The following MAS1 variants were observed in gnomAD, a reference collection of about 807,000 sequenced individuals.
The protein encoded by MAS1 is proto-oncogene Mas.
For missense variants in MAS1, 387 were observed against 409.7 expected (o/e 0.94, Z 0.48); for synonymous variants, 163 against 164.2 (o/e 0.99, Z 0.05).
Position 159,906,949 on chromosome 6 carries a change from C to A in MAS1, c.-7C>A. 6.3e-7 allele frequency: 1 copy of A among 1,587,570 alleles called. No individual in the cohort carries two copies. The highest frequency in any genetic ancestry group is 1.3e-5 in the African/African-American group (1 of 74,550). On this transcript the variant is annotated 5_prime_UTR_variant, in exon 3 of 3. Transcript: ENST00000674077. ...TTACCTGAAGAGTTCCAACCTGAGG[C>A]CTCCTCATGGATGGGTCAAACGTGA...
intron 1 of MAS1, among the ~76,000 whole-genome samples, chr6:159,898,618 CTCCTCCTCCCTCTTCT>C (rs1782785240): frequency 7.3e-6 from 1 of 136,742 alleles, no homozygotes; most frequent in African/African-American, 2.7e-5. Context: ...CTCCTCCTTC[CTCCTCCTCCCTCTTCT>C]TCCTCCTCCC....
upstream of MAS1, among the ~76,000 whole-genome samples, chr6:159,889,193 T>C (rs901926521): frequency 1.3e-5 from 2 of 152,204 alleles, no homozygotes; most frequent in East Asian, 3.8e-4. Flanking sequence ...GGGACCATTA[T>C]CAATTTCCAA....
In MAS1 at chr6:159,915,761, G is replaced by A. The variant is rs1400599630; in HGVS notation, c.*7828G>A. 6.6e-6 allele frequency: 1 copy of A among 152,624 alleles called. No homozygotes were observed. The highest frequency in any genetic ancestry group is 1.5e-5 in the Non-Finnish European group (1 of 68,272). 9.5% of individuals were successfully genotyped at this position (152,624 alleles called of 1,614,324 possible). Reference sequence around the variant, plus strand: ...GGCCATCATCCAGAGGAGCATGGGAGAAAGTGGGGAATTTAGACAGGGAAA... The same window carrying A: ...GGCCATCATCCAGAGGAGCATGGGAAAAAGTGGGGAATTTAGACAGGGAAA... On this transcript the variant is annotated 3_prime_UTR_variant, in exon 3 of 3. Coordinates refer to ENST00000674077, the MANE Select transcript of MAS1 (RefSeq NM_002377.4).
chr6:159,900,170 C>T (rs985388655), intron 2 of MAS1, among the ~76,000 whole-genome samples: 1 of 152,198 alleles, frequency 6.6e-6, no homozygotes, highest in Non-Finnish European at 1.5e-5. Flanking sequence ...CAAGTGCCTA[C>T]CTCGTCTGCA....
intron 2 of MAS1, among the ~76,000 whole-genome samples, chr6:159,901,945 A>G (rs1172861909): frequency 6.6e-6 from 1 of 152,176 alleles, no homozygotes; most frequent in Non-Finnish European, 1.5e-5. Context: ...TTTTGGGGAA[A>G]AGAAGAAAAG....
intron 1 of MAS1, among the ~76,000 whole-genome samples, chr6:159,892,856 T>C (rs1782716584): frequency 6.6e-6 from 1 of 152,206 alleles, no homozygotes. Flanking sequence ...GGCAAAGTGC[T>C]GTTCAATCTC....
chr6:159,901,293 G>A (rs910734343), intron 2 of MAS1, among the ~76,000 whole-genome samples: 1 of 152,128 alleles, frequency 6.6e-6, no homozygotes, highest in South Asian at 2.1e-4. Context: ...ACACAATTCC[G>A]TCCACAACAG....
chr6:159,897,574 C>A (rs1244838428), intron 1 of MAS1, among the ~76,000 whole-genome samples: 1 of 152,118 alleles, frequency 6.6e-6, no homozygotes, highest in Non-Finnish European at 1.5e-5. Flanking sequence ...TGGGAAAGGG[C>A]TGTTATTGTC....
rs144013270 is a variant in MAS1, at chr6:159,907,917, T to C, written c.962T>C (p.Val321Ala). The change falls in exon 3 of 3, where the codon GTT becomes GCT. Residue 321 changes from valine (V) to alanine (A), a missense_variant. Physicochemically the swap from Val to Ala is moderately conservative, Grantham distance 64. Transcript: ENST00000674077. ...RQKDNCNTVT[V>A]ETVV ...AAAGACAATTGTAATACGGTCACAG[T>C]TGAGACTGTCGTCTAAGAACTGTGA... 1 of 1,598,930 alleles carries C rather than the reference T, an allele frequency of 6.3e-7. No homozygotes were observed. Among genetic ancestry groups the C allele is most frequent in the East Asian group, 2.2e-5 (1 of 44,594 alleles).
At chr6:159,890,337 T>G (rs915483584), upstream of MAS1, among the ~76,000 whole-genome samples, 7 of 151,710 alleles carry the variant, frequency 4.6e-5, no homozygotes, top group South Asian at 1.0e-3. Context: ...CGGGTGAGAG[T>G]TGGCATCTAA....
chr6:159,898,697 C>CCTCCCT (rs1782789939), intron 1 of MAS1, among the ~76,000 whole-genome samples: 32 of 40,162 alleles, frequency 8.0e-4, no homozygotes, highest in African/African-American at 1.2e-3. Context: ...TCTTCCTCCT[C>CCTCCCT]CTTCATCCTC....
At position 159,908,780 on chromosome 6, in the gene MAS1, T is replaced by G. The variant is rs1583216011; in HGVS notation, c.*847T>G. The stretch of plus-strand genomic sequence containing the variant: ...ATGGCTCCCCTTCCCTCTGTGGGAA[T>G]ACTAGATGAAATGAAAGTCTGTGTT... On this transcript the variant is annotated 3_prime_UTR_variant, in exon 3 of 3. Transcript: ENST00000674077. 4 of 152,164 alleles carry G rather than the reference T, an allele frequency of 2.6e-5. No individual in the cohort carries two copies. The South Asian group carries it at 8.3e-4, about 32-fold the overall frequency. 9.4% of individuals were successfully genotyped at this position (152,164 alleles called of 1,614,324 possible). A position where few individuals can be genotyped will look rare whatever the true frequency, so the allele number is the denominator to read the frequency against.
intron 1 of MAS1, among the ~76,000 whole-genome samples, chr6:159,893,312 G>T (rs1396717769): frequency 6.6e-6 from 1 of 152,226 alleles, no homozygotes; most frequent in Non-Finnish European, 1.5e-5. Flanking sequence ...GGCAGGGCAG[G>T]ATATCTGCAT....
chr6:159,904,426 C>G (rs1257549195), intron 2 of MAS1, among the ~76,000 whole-genome samples: 1 of 152,196 alleles, frequency 6.6e-6, no homozygotes, highest in Non-Finnish European at 1.5e-5. Flanking sequence ...TCACCTGCAC[C>G]TGTCCATTCA....
intron 2 of MAS1, chr6:159,906,656 C>T (rs562444554): frequency 3.7e-6 from 1 of 268,908 alleles, no homozygotes; most frequent in African/African-American, 2.2e-5. Flanking sequence ...AAGCCACAAG[C>T]ACACAATGAT....
Position 159,907,934 on chromosome 6 carries a change from G to A in MAS1, c.*1G>A. On this transcript the variant is annotated 3_prime_UTR_variant, in exon 3 of 3. Transcript: ENST00000674077. Reference sequence around the variant, plus strand: ...GGTCACAGTTGAGACTGTCGTCTAAGAACTGTGAGGGAAGTTGTGGATAAA... The same window carrying A: ...GGTCACAGTTGAGACTGTCGTCTAAAAACTGTGAGGGAAGTTGTGGATAAA... 3 of 1,580,278 alleles carry A rather than the reference G, an allele frequency of 1.9e-6. No individual in the cohort carries two copies. The highest frequency in any genetic ancestry group is 2.3e-5 in the East Asian group (1 of 44,330).
At chr6:159,898,660 C>CTCT (rs779611496) in intron 1 of MAS1, among the ~76,000 whole-genome samples, 59 of 103,884 alleles carry the variant, frequency 5.7e-4, no homozygotes, top group East Asian at 2.0e-3. Flanking sequence ...CTCCTCCTCC[C>CTCT]TCCTCCTTCC....
rs571282258 is a variant in MAS1, at chr6:159,914,211, G to A, written c.*6278G>A. 6.6e-5 allele frequency: 10 copies of A among 152,132 alleles called. No individual in the cohort carries two copies. Among genetic ancestry groups the A allele is most frequent in the African/African-American group, 1.9e-4 (8 of 41,488 alleles). The allele number at this position is 152,132 out of a possible 1,614,324, so 9.4% of individuals were successfully genotyped here. A position where few individuals can be genotyped will look rare whatever the true frequency, so the allele number is the denominator to read the frequency against. ...CTCTGAATTCTCTGTCAGACATTTC[G>A]GAGATCTTCAATTCTTCTGGGTCCA... On this transcript the variant is annotated 3_prime_UTR_variant, in exon 3 of 3. Coordinates refer to ENST00000674077, the MANE Select transcript of MAS1 (RefSeq NM_002377.4).
upstream of MAS1, among the ~76,000 whole-genome samples, chr6:159,889,394 C>A (rs1782673113): frequency 6.6e-6 from 1 of 152,182 alleles, no homozygotes; most frequent in Non-Finnish European, 1.5e-5. Context: ...ATCTGGGCAG[C>A]CCCTGATCTG....
Sources: allele counts gnomAD v4.1 joint callset (sites outside exome capture counted in the v4.1 genomes callset), GRCh38; gene constraint gnomAD v4.1.1; transcripts MANE v1.5; gene names NCBI Gene and HGNC (gene_info 2026-07-23, HGNC 2026-07-21).